Variants in GALNT13 observed in about 807,000 individuals in gnomAD.
The protein encoded by GALNT13 is polypeptide N-acetylgalactosaminyltransferase 13.
In GALNT13, 28 loss-of-function variants were observed where a neutral mutation model predicts 64.2. That is an observed-to-expected ratio of 0.44 (90% CI 0.32 to 0.60). The LOEUF is 0.60. Among genes scored for constraint, GALNT13 ranks in the 20% least tolerant of loss-of-function variants. The pLI is 0.05. For synonymous variants in GALNT13, 214 were observed against 224.6 expected (o/e 0.95, Z 0.42); for missense variants, 577 against 669.8 (o/e 0.86, Z 1.53).
At chr2:153,166,461 C>G in the GALNT13 span, among the ~76,000 whole-genome samples, 1 of 152,056 alleles carries the variant, frequency 6.6e-6, no homozygotes, top group African/African-American at 2.4e-5. Flanking sequence ...GCTGAGAGAC[C>G]AAAGAATGAC....
intron 11 of GALNT13, among the ~76,000 whole-genome samples, chr2:154,430,111 C>A (rs1700645739): frequency 1.3e-5 from 2 of 152,180 alleles, no homozygotes; most frequent in Admixed American, 6.5e-5. Flanking sequence ...ATTCATTCTG[C>A]AGACCATAGA....
the GALNT13 span, among the ~76,000 whole-genome samples, chr2:153,268,890 G>A: frequency 6.6e-6 from 1 of 152,192 alleles, no homozygotes; most frequent in Non-Finnish European, 1.5e-5. Context: ...GGAGTGGCTG[G>A]AACCCAAGGC....
chr2:154,144,893 G>A (rs928222986), intron 4 of GALNT13, among the ~76,000 whole-genome samples: 34 of 151,424 alleles, frequency 2.2e-4, no homozygotes, highest in African/African-American at 5.6e-4. Context: ...TTTAATACAC[G>A]CAACACATTT....
At chr2:153,889,853 C>T (rs1289417058) in intron 1 of GALNT13, among the ~76,000 whole-genome samples, 1 of 151,904 alleles carries the variant, frequency 6.6e-6, no homozygotes, top group African/African-American at 2.4e-5. Flanking sequence ...TACATACTTA[C>T]CAGTGGGTTT....
At chr2:153,393,928 C>G in the GALNT13 span, among the ~76,000 whole-genome samples, 13 of 149,046 alleles carry the variant, frequency 8.7e-5, no homozygotes, top group South Asian at 2.6e-3. Flanking sequence ...TAATCAATTT[C>G]TTTCTCTGTC....
the GALNT13 span, among the ~76,000 whole-genome samples, chr2:153,736,020 C>A: frequency 6.6e-6 from 1 of 152,140 alleles, no homozygotes; most frequent in South Asian, 2.1e-4. Context: ...ACATTCCATG[C>A]CTTATCAAAC....
At chr2:154,247,674 T>C (rs1689852452) in intron 7 of GALNT13, among the ~76,000 whole-genome samples, 1 of 152,090 alleles carries the variant, frequency 6.6e-6, no homozygotes, top group South Asian at 2.1e-4. Context: ...AACCAAAAGA[T>C]GAATCATCTA....
At chr2:153,402,964 C>T in the GALNT13 span, among the ~76,000 whole-genome samples, 3 of 152,122 alleles carry the variant, frequency 2.0e-5, no homozygotes, top group Non-Finnish European at 4.4e-5. Flanking sequence ...TGTTCCGTTG[C>T]TGGTGAGGAA....
the GALNT13 span, among the ~76,000 whole-genome samples, chr2:153,484,769 G>C: frequency 3.3e-5 from 5 of 152,142 alleles, no homozygotes; most frequent in East Asian, 7.7e-4. Flanking sequence ...TGATTCAATA[G>C]TCTAGCCTGA....
chr2:154,333,777 A>T (rs1238531278), intron 9 of GALNT13, among the ~76,000 whole-genome samples: 1 of 151,482 alleles, frequency 6.6e-6, no homozygotes, highest in Non-Finnish European at 1.5e-5. Flanking sequence ...CTCCTCCTAG[A>T]CAAATTAAAA....
At chr2:154,067,925 GAC>G (rs1700551542) in intron 3 of GALNT13, among the ~76,000 whole-genome samples, 1 of 104,454 alleles carries the variant, frequency 9.6e-6, no homozygotes, top group Non-Finnish European at 2.3e-5. Context: ...AAAGTGGGAA[GAC>G]AACCCACAGA....
At chr2:153,821,118 G>C in the GALNT13 span, among the ~76,000 whole-genome samples, 10 of 152,252 alleles carry the variant, frequency 6.6e-5, no homozygotes, top group African/African-American at 2.4e-4. Flanking sequence ...CTTATGAAAA[G>C]ATTCATACAG....
At chr2:153,315,702 C>T in the GALNT13 span, among the ~76,000 whole-genome samples, 1 of 152,126 alleles carries the variant, frequency 6.6e-6, no homozygotes, top group African/African-American at 2.4e-5. Flanking sequence ...CATTAACATT[C>T]ATGGAACACT....
At chr2:154,298,489 AAATTATATATAC>A (rs1693082395) in intron 8 of GALNT13, among the ~76,000 whole-genome samples, 1 of 118,222 alleles carries the variant, frequency 8.5e-6, no homozygotes, top group Non-Finnish European at 1.8e-5. Flanking sequence ...AATTATATAT[AAATTATATATAC>A]ATATATAAAT....
At chr2:153,967,157 C>T (rs1369466972) in intron 3 of GALNT13, among the ~76,000 whole-genome samples, 3 of 152,104 alleles carry the variant, frequency 2.0e-5, no homozygotes, top group Non-Finnish European at 4.4e-5. Flanking sequence ...ATTTGCTGAA[C>T]TTCCTAAGAC....
chr2:153,797,620 T>C, the GALNT13 span, among the ~76,000 whole-genome samples: 3 of 152,208 alleles, frequency 2.0e-5, no homozygotes, highest in Admixed American at 1.3e-4. Flanking sequence ...ATCAATTACA[T>C]TTCTTTTGGT....
chr2:154,200,088 T>C (rs1015835205), intron 4 of GALNT13, among the ~76,000 whole-genome samples: 1 of 152,066 alleles, frequency 6.6e-6, no homozygotes, highest in Non-Finnish European at 1.5e-5. Flanking sequence ...AATTCTTAAA[T>C]ATTAAGGCAT....
the GALNT13 span, among the ~76,000 whole-genome samples, chr2:153,131,550 C>T: frequency 2.0e-5 from 3 of 152,038 alleles, no homozygotes; most frequent in African/African-American, 7.2e-5. Flanking sequence ...ATTGAGGACT[C>T]AAAGTCTCCT....
At chr2:153,312,324 C>A in the GALNT13 span, among the ~76,000 whole-genome samples, 1 of 152,258 alleles carries the variant, frequency 6.6e-6, no homozygotes, top group East Asian at 1.9e-4. Flanking sequence ...GGGATGCTTC[C>A]ATTAGGTGAA....
Sources: gnomAD v4.1 joint callset for allele counts (sites outside exome capture counted in the v4.1 genomes callset) on GRCh38, gnomAD v4.1.1 for gene constraint, MANE v1.5 for transcripts, NCBI Gene and HGNC (gene_info 2026-07-23, HGNC 2026-07-21) for gene names.